PACS1: variants seen among roughly 807,000 people sequenced by gnomAD.
The protein encoded by PACS1 is phosphofurin acidic cluster sorting protein 1.
In PACS1, 24 loss-of-function variants were observed where a neutral mutation model predicts 115.0. The observed-to-expected ratio is 0.21, with a 90% CI of 0.15 to 0.29. The LOEUF is 0.29. Among genes scored for constraint, PACS1 ranks in the 10% least tolerant of loss-of-function variants. The pLI is 1.00. For missense variants in PACS1, 838 were observed against 1,251.2 expected, an observed-to-expected ratio of 0.67 and a Z score of 4.98; for synonymous variants, 453 against 504.5, an observed-to-expected ratio of 0.90 and a Z score of 1.37.
chr11:66,225,302 A>G (rs1049396443), intron 10 of PACS1, among the ~76,000 whole-genome samples: 2 of 152,170 alleles, frequency 1.3e-5, no homozygotes, highest in Non-Finnish European at 2.9e-5. Context: ...CCTCATCCAT[A>G]TCCCATGCCA....
At chr11:66,116,716 A>G (rs532306080) in intron 1 of PACS1, among the ~76,000 whole-genome samples, 30 of 152,030 alleles carry the variant, frequency 2.0e-4, no homozygotes, top group Admixed American at 1.6e-3. Flanking sequence ...TGTTGAAATC[A>G]CATCTCTACC....
At chr11:66,182,498 C>A (rs977226296) in intron 1 of PACS1, among the ~76,000 whole-genome samples, 1 of 151,330 alleles carries the variant, frequency 6.6e-6, no homozygotes, top group African/African-American at 2.4e-5. Flanking sequence ...CATGGTCTTG[C>A]TGTCACCCAG....
At chr11:66,187,487 A>G (rs1438854840) in intron 1 of PACS1, among the ~76,000 whole-genome samples, 1 of 152,098 alleles carries the variant, frequency 6.6e-6, no homozygotes, top group Non-Finnish European at 1.5e-5. Context: ...AGCCTCTGGT[A>G]TCATCTGTTC....
intron 10 of PACS1, 92 bp downstream of exon 10, chr11:66,221,339 T>G: frequency 8.8e-7 from 1 of 1,131,862 alleles, no homozygotes. Context: ...AGGGCTCATG[T>G]TGTGACCTTA....
chr11:66,192,445 T>TC (rs936021062), intron 1 of PACS1, among the ~76,000 whole-genome samples: 1 of 151,996 alleles, frequency 6.6e-6, no homozygotes, highest in Non-Finnish European at 1.5e-5. Flanking sequence ...AACAGCAGCC[T>TC]CCAAAGGCCC....
chr11:66,102,497 C>A (rs1590745680), intron 1 of PACS1, among the ~76,000 whole-genome samples: 1 of 151,252 alleles, frequency 6.6e-6, no homozygotes, highest in Non-Finnish European at 1.5e-5. Context: ...GCTAATTTTT[C>A]TGTTTTTAGT....
chr11:66,122,772 A>G (rs1452036230), intron 1 of PACS1, among the ~76,000 whole-genome samples: 2 of 152,220 alleles, frequency 1.3e-5, no homozygotes, highest in Admixed American at 6.5e-5. Flanking sequence ...TAAAATTTGA[A>G]CAGATGTTTC....
At position 66,175,645 on chromosome 11, in the gene PACS1, C is replaced by T. The variant is rs185509475; in HGVS notation, c.357-17841C>T. 5.0e-4 allele frequency among the ~76,000 whole-genome samples: 76 copies of T among 152,334 alleles called. 1 individual carries two copies. The highest frequency in any genetic ancestry group is 1.4e-3 in the Admixed American group (21 of 15,298). ...ATCAGTCCCAGTGGCCTTTAGGGGA[C>T]ATGGAGTGTGCTTATCGCTTCCCAT... is the stretch of plus-strand genomic sequence containing the variant. On this transcript the variant is annotated intron_variant, in intron 1 of 23. Coordinates refer to ENST00000320580, the MANE Select transcript of PACS1 (RefSeq NM_018026.4).
chr11:66,187,804 T>A (rs1404584423), intron 1 of PACS1, among the ~76,000 whole-genome samples: 2 of 152,238 alleles, frequency 1.3e-5, no homozygotes, highest in African/African-American at 4.8e-5. Flanking sequence ...AATAATTTCC[T>A]TTCCTTTGAA....
intron 1 of PACS1, among the ~76,000 whole-genome samples, chr11:66,119,042 T>A (rs540350736): frequency 6.6e-6 from 1 of 151,782 alleles, no homozygotes; most frequent in Non-Finnish European, 1.5e-5. Flanking sequence ...TGAGTGGGAG[T>A]GGGGGTGGCC....
chr11:66,220,561 A>G, intron 8 of PACS1, 70 bp from the exon 9 acceptor site: 2 of 1,477,598 alleles, frequency 1.4e-6, no homozygotes, highest in South Asian at 1.2e-5. Context: ...CCCAGGAGAA[A>G]GGAGCTGCTC....
intron 1 of PACS1, among the ~76,000 whole-genome samples, chr11:66,082,013 A>G (rs970512872): frequency 6.6e-6 from 1 of 152,226 alleles, no homozygotes; most frequent in Non-Finnish European, 1.5e-5. Context: ...CACCTTTAAT[A>G]AGCATCAGGA....
intron 1 of PACS1, among the ~76,000 whole-genome samples, chr11:66,131,955 A>G (rs1858715142): frequency 6.6e-6 from 1 of 151,244 alleles, no homozygotes; most frequent in Non-Finnish European, 1.5e-5. Context: ...TCCCTTCCTC[A>G]TTAAAAAAAA....
chr11:66,111,893 G>C (rs140736539), intron 1 of PACS1, among the ~76,000 whole-genome samples: 4,290 of 152,260 alleles, frequency 0.028, 210 homozygotes, highest in African/African-American at 0.097. Flanking sequence ...TGATCCGCCT[G>C]CCTTGGCCTC....
At chr11:66,145,280 A>G (rs966304109) in intron 1 of PACS1, among the ~76,000 whole-genome samples, 3 of 152,244 alleles carry the variant, frequency 2.0e-5, no homozygotes, top group Admixed American at 6.5e-5. Flanking sequence ...CCTTCCTGCC[A>G]TTGGTGTGGT....
At chr11:66,173,587 G>A (rs1161982108) in intron 1 of PACS1, among the ~76,000 whole-genome samples, 1 of 151,976 alleles carries the variant, frequency 6.6e-6, no homozygotes, top group East Asian at 1.9e-4. Flanking sequence ...GTGTGTGCCT[G>A]TAATCCCAGC....
intron 2 of PACS1, among the ~76,000 whole-genome samples, chr11:66,206,338 T>C (rs1854938295): frequency 6.6e-6 from 1 of 152,096 alleles, no homozygotes; most frequent in Non-Finnish European, 1.5e-5. Context: ...AATTGGACCC[T>C]GGTTGGTAGT....
intron 1 of PACS1, among the ~76,000 whole-genome samples, chr11:66,144,637 ATTC>A (rs1209731661): frequency 3.3e-5 from 5 of 152,146 alleles, no homozygotes; most frequent in Non-Finnish European, 7.4e-5. Context: ...TATGTTCATT[ATTC>A]TTTTTTTTCT....
chr11:66,080,954 T>C (rs1312802397), intron 1 of PACS1, among the ~76,000 whole-genome samples: 1 of 152,062 alleles, frequency 6.6e-6, no homozygotes, highest in Admixed American at 6.5e-5. Flanking sequence ...CCCTGCTGAG[T>C]GTGGTGGCTC....
Sources: allele counts gnomAD v4.1 joint callset (sites outside exome capture counted in the v4.1 genomes callset), GRCh38; gene constraint gnomAD v4.1.1; transcripts MANE v1.5; gene names NCBI Gene and HGNC (gene_info 2026-07-23, HGNC 2026-07-21).